FABP3: variants seen among roughly 807,000 people sequenced by gnomAD.
FABP3 encodes fatty acid binding protein 3.
In FABP3, 8 loss-of-function variants were observed where a neutral mutation model predicts 13.4. The ratio of observed to expected loss-of-function variants is 0.60; its 90% CI spans 0.35 to 1.07. FABP3 has a LOEUF of 1.07. Ranked by LOEUF, FABP3 falls within the 50% of genes least tolerant of loss-of-function variation. The probability of loss-of-function intolerance (pLI) is 0.02; values close to 1 mark genes in which losing one functional copy is unlikely to be tolerated. For missense variants in FABP3, 135 were observed against 164.7 expected (o/e 0.82, Z 0.99); for synonymous variants, 64 against 60.0 (o/e 1.07, Z -0.31).
At chr1:31,366,215 A>C (rs552966652) in intron 3 of FABP3, among the ~76,000 whole-genome samples, 4 of 152,240 alleles carry the variant, frequency 2.6e-5, no homozygotes, top group Non-Finnish European at 5.9e-5. Flanking sequence ...TAATTTGGTC[A>C]AGATCCTGAG....
At chr1:31,368,949 A>C in intron 2 of FABP3, 1 of 155,598 alleles carries the variant, frequency 6.4e-6, no homozygotes. Context: ...GGTCACAATG[A>C]CCTCACTCAG....
chr1:31,365,481 A>C lies in FABP3; in HGVS notation c.*405T>G, dbSNP rs1266186297. On this transcript the variant is annotated 3_prime_UTR_variant, in exon 4 of 4. Transcript: ENST00000373713. Reference sequence around the variant, plus strand: ...AACGTGTAGGTACAGCTCTTTTATTATTAAATGTGTAAGGTGATCAGCTGA... The same window carrying C: ...AACGTGTAGGTACAGCTCTTTTATTCTTAAATGTGTAAGGTGATCAGCTGA... The C allele has an allele frequency of 4.3e-5, 8 of 185,490 alleles. No individual in the cohort carries two copies. The allele number at this position is 185,490 out of a possible 1,614,324, so 11.5% of individuals were successfully genotyped here.
chr1:31,370,049 A>G (rs948095974), intron 1 of FABP3, among the ~76,000 whole-genome samples: 4 of 148,534 alleles, frequency 2.7e-5, no homozygotes, highest in African/African-American at 9.9e-5. Flanking sequence ...GGTTGCAGTG[A>G]GTCGAGATTG....
rs762571649 is a variant in FABP3 at position 31,367,521 on chromosome 1, C to T, written c.247-27G>A. 3.8e-6 allele frequency: 6 copies of T among 1,589,708 alleles called. No homozygotes were observed. In the East Asian group the frequency reaches 6.7e-5, roughly 18 times the overall value. ...TGTGGAAAGAGGGTAGAGGCCTGAG[C>T]TGTGATCTTAGTCAGGAATTGAGGG... On this transcript the variant is annotated intron_variant, in intron 2 of 3. Transcript: ENST00000373713.
rs1252158861 is a variant in FABP3, at chr1:31,365,716, A to AC, written c.*169_*170insG. 2,618 of 611,576 alleles carry AC rather than the reference A, an allele frequency of 4.3e-3. 39 individuals are homozygous for AC. The highest frequency in any genetic ancestry group is 0.032 in the African/African-American group (1,689 of 53,548). The allele number at this position is 611,576 out of a possible 1,614,324, so 37.9% of individuals were successfully genotyped here. A position where few individuals can be genotyped will look rare whatever the true frequency, so the allele number is the denominator to read the frequency against. ...CTATGAGTGCAGTTAAAAAAAAAAA[A>AC]AAAAAACCACATACACCATGGGAAC... On this transcript the variant is annotated 3_prime_UTR_variant, in exon 4 of 4. Coordinates refer to ENST00000373713, the MANE Select transcript of FABP3 (RefSeq NM_004102.5).
rs992273229 is a variant in FABP3 at position 31,369,270 on chromosome 1, A to G, written c.246+115T>C. On this transcript the variant is annotated intron_variant, in intron 2 of 3. Coordinates refer to ENST00000373713, the MANE Select transcript of FABP3 (RefSeq NM_004102.5). ...GCTTTATGAATCTTGTTTCATTTAAATTCCCCATGATAGTCTGCCCCTCAG... is the reference window on the plus strand; with the variant it reads ...GCTTTATGAATCTTGTTTCATTTAAGTTCCCCATGATAGTCTGCCCCTCAG... 1.0e-5 allele frequency: 11 copies of G among 1,088,014 alleles called. No individual in the cohort carries two copies. In the African/African-American group the frequency reaches 1.6e-4, roughly 16 times the overall value. The allele number at this position is 1,088,014 out of a possible 1,614,324, so 67.4% of individuals were successfully genotyped here. A position where few individuals can be genotyped will look rare whatever the true frequency, so the allele number is the denominator to read the frequency against.
intron 1 of FABP3, 50 bp downstream of exon 1, chr1:31,372,892 G>A (rs778734528): frequency 6.4e-7 from 1 of 1,557,422 alleles, no homozygotes. Context: ...GGCTAGGCAC[G>A]CCACCAGCCA....
intron 1 of FABP3, among the ~76,000 whole-genome samples, chr1:31,371,996 G>A (rs147141786): frequency 6.6e-6 from 1 of 152,312 alleles, no homozygotes; most frequent in Non-Finnish European, 1.5e-5. Flanking sequence ...CTGTGGAATT[G>A]TTATAATACA....
At chr1:31,364,449 C>T (rs1228617179), downstream of FABP3, 1 of 515,320 alleles carries the variant, frequency 1.9e-6, no homozygotes, top group African/African-American at 1.9e-5. Flanking sequence ...TTCATTCACC[C>T]AACTTCCTTC....
chr1:31,365,938 G>A lies in FABP3; in HGVS notation c.350C>T (p.Thr117Ile). 6.2e-7 allele frequency: 1 copy of A among 1,613,920 alleles called. No homozygotes were observed. ...RELIDGKLILTLTHGTAVCTR... is the reference protein window; with the variant it reads ...RELIDGKLILILTHGTAVCTR... ...GCAAACTGCAGTGCCGTGGGTGAGT[G>A]TCTGGAAGGAAAGACAGAGTGAGAT... Residue 117 changes from threonine (T) to isoleucine (I), a missense_variant and splice_region_variant, in exon 4 of 4, where the codon ACA becomes ATA. By Grantham distance (89) the Thr-to-Ile change is moderately conservative. Transcript: ENST00000373713.
chr1:31,371,757 C>T (rs1640213516), intron 1 of FABP3, among the ~76,000 whole-genome samples: 1 of 152,208 alleles, frequency 6.6e-6, no homozygotes, highest in South Asian at 2.1e-4. Context: ...GGGGCTGCTC[C>T]TCTAAGAATG....
At chr1:31,366,058 ATGTATGTGTGTGTG>A (rs1315153893) in intron 3 of FABP3, 119 bp from the exon 4 acceptor site, 12 of 704,100 alleles carry the variant, frequency 1.7e-5, no homozygotes, top group African/African-American at 5.1e-5. Context: ...GGCTATATGT[ATGTATGTGTGTGTG>A]TGTGTGTGTG....
Position 31,365,949 on chromosome 1 carries a change from AAGAC to A in FABP3, c.349-14_349-11del, listed in dbSNP as rs1236609446. On this transcript the variant is annotated splice_polypyrimidine_tract_variant and intron_variant, in intron 3 of 3. Transcript: ENST00000373713. Reference sequence around the variant, plus strand: ...TGCCGTGGGTGAGTGTCTGGAAGGAAAGACAGAGTGAGATGGGGGGTGGAGCCAG... The same window carrying A: ...TGCCGTGGGTGAGTGTCTGGAAGGAAAGAGTGAGATGGGGGGTGGAGCCAG... 5.6e-6 allele frequency: 9 copies of A among 1,613,476 alleles called. No homozygotes were observed. Among genetic ancestry groups the A allele is most frequent in the Non-Finnish European group, 7.6e-6 (9 of 1,179,778 alleles).
chr1:31,372,819 C>T (rs1436476148), intron 1 of FABP3, 123 bp downstream of exon 1: 26 of 934,512 alleles, frequency 2.8e-5, no homozygotes, highest in Non-Finnish European at 4.3e-5. Context: ...GCCAGGCTGC[C>T]ATCTCCGCGC....
Position 31,365,876 on chromosome 1 carries a change from T to G in FABP3, c.*10A>C. 1 of 1,613,750 alleles carries G rather than the reference T, an allele frequency of 6.2e-7. No homozygotes were observed. ...TTGGCAGAGTAGTAGTCAGCAACAG[T>G]GCAGTCAGGTCATGCCTCTTTCTCA... On this transcript the variant is annotated 3_prime_UTR_variant, in exon 4 of 4. Coordinates refer to ENST00000373713, the MANE Select transcript of FABP3 (RefSeq NM_004102.5).
At chr1:31,366,099 T>TAC (rs1640107891) in intron 3 of FABP3, among the ~76,000 whole-genome samples, 160 bp from the exon 4 acceptor site, 1 of 148,838 alleles carries the variant, frequency 6.7e-6, no homozygotes, top group African/African-American at 2.5e-5. Context: ...TGTGTGTGTG[T>TAC]ATACATACAT....
At chr1:31,359,620 T>TA in the FABP3 span, among the ~76,000 whole-genome samples, 1 of 152,228 alleles carries the variant, frequency 6.6e-6, no homozygotes, top group Non-Finnish European at 1.5e-5. Flanking sequence ...ATTTTTGTTT[T>TA]TCTGTCACAC....
At chr1:31,366,342 G>A (rs1218690764) in intron 3 of FABP3, among the ~76,000 whole-genome samples, 1 of 152,072 alleles carries the variant, frequency 6.6e-6, no homozygotes, top group Non-Finnish European at 1.5e-5. Flanking sequence ...GACTGTGTTT[G>A]GCTACTAACT....
chr1:31,359,616 G>GC, the FABP3 span, among the ~76,000 whole-genome samples: 1 of 151,984 alleles, frequency 6.6e-6, no homozygotes, highest in Non-Finnish European at 1.5e-5. Context: ...TTTTATTTTT[G>GC]TTTTTCTGTC....
Sources: allele counts gnomAD v4.1 joint callset (sites outside exome capture counted in the v4.1 genomes callset), GRCh38; gene constraint gnomAD v4.1.1; transcripts MANE v1.5; gene names NCBI Gene and HGNC (gene_info 2026-07-23, HGNC 2026-07-21).